SLX4IP: variants seen among roughly 807,000 people sequenced by gnomAD.
SLX4IP encodes the protein SLX4 interacting protein, also known as protein SLX4IP.
A neutral mutation model predicts 32.9 loss-of-function variants in SLX4IP; 34 were observed. That is an observed-to-expected ratio of 1.03 (90% confidence interval 0.79 to 1.38). The LOEUF is 1.38. SLX4IP is among the 40% of genes most tolerant of loss of function. The pLI, the probability that SLX4IP is intolerant of heterozygous loss-of-function variation, is 0.00. For synonymous variants in SLX4IP, 172 were observed against 171.7 expected, an observed-to-expected ratio of 1.00 and a Z score of -0.01; for missense variants, 444 against 479.0, an observed-to-expected ratio of 0.93 and a Z score of 0.68.
intron 3 of SLX4IP, among the ~76,000 whole-genome samples, chr20:10,560,086 C>T (rs932225313): frequency 3.3e-5 from 5 of 152,212 alleles, no homozygotes; most frequent in Admixed American, 2.6e-4. Flanking sequence ...ATTACTGTTT[C>T]TGACTCCTTT....
intron 6 of SLX4IP, among the ~76,000 whole-genome samples, chr20:10,609,878 C>T (rs1050549296): frequency 1.3e-5 from 2 of 151,830 alleles, no homozygotes; most frequent in South Asian, 2.1e-4. Flanking sequence ...ACAGATGTTT[C>T]CCTTCTACTT....
At chr20:10,455,237 A>G (rs1387747198) in intron 1 of SLX4IP, among the ~76,000 whole-genome samples, 3 of 152,104 alleles carry the variant, frequency 2.0e-5, no homozygotes, top group Non-Finnish European at 4.4e-5. Flanking sequence ...GATAAAATCT[A>G]ATTTACTAAT....
intron 2 of SLX4IP, among the ~76,000 whole-genome samples, chr20:10,525,566 GGA>G (rs2065934226): frequency 6.6e-6 from 1 of 152,148 alleles, no homozygotes; most frequent in African/African-American, 2.4e-5. Context: ...TGTTTTTCCT[GGA>G]ATTTAGAGTT....
Position 10,500,274 on chromosome 20 carries a change from C to G in SLX4IP, c.27+42043C>G, listed in dbSNP as rs917085966. Among the ~76,000 whole-genome samples, 5 of 151,308 alleles carry G rather than the reference C, an allele frequency of 3.3e-5. No homozygotes were observed. In the Admixed American group the frequency reaches 3.3e-4, roughly 10 times the overall value. ...GCCTCCTGAGTTGCGATTACAGGTG[C>G]CCGCCACCACACCCGGCTAATTTTT... On this transcript the variant is annotated intron_variant, in intron 2 of 7. Transcript: ENST00000334534.
intron 6 of SLX4IP, among the ~76,000 whole-genome samples, chr20:10,610,021 ATGT>A (rs755950957): frequency 3.3e-5 from 5 of 152,140 alleles, no homozygotes; most frequent in Non-Finnish European, 7.4e-5. Flanking sequence ...AAGCCTCACA[ATGT>A]CAAGTGTTGG....
At chr20:10,518,108 C>A (rs922580758) in intron 2 of SLX4IP, among the ~76,000 whole-genome samples, 3 of 152,108 alleles carry the variant, frequency 2.0e-5, no homozygotes, top group African/African-American at 7.2e-5. Flanking sequence ...AGCAAACCAC[C>A]GTGGCACACG....
At chr20:10,459,077 G>A (rs1424696966) in intron 2 of SLX4IP, among the ~76,000 whole-genome samples, 1 of 152,172 alleles carries the variant, frequency 6.6e-6, no homozygotes, top group Non-Finnish European at 1.5e-5. Context: ...AGATGGTATT[G>A]CATTGTTTTG....
At chr20:10,482,227 C>G (rs1348580971) in intron 2 of SLX4IP, among the ~76,000 whole-genome samples, 5 of 152,160 alleles carry the variant, frequency 3.3e-5, no homozygotes. Context: ...TTTCCTACGG[C>G]TCTAAGTGCC....
At chr20:10,453,330 G>T (rs1018429703) in intron 1 of SLX4IP, among the ~76,000 whole-genome samples, 2 of 148,292 alleles carry the variant, frequency 1.3e-5, no homozygotes, top group African/African-American at 5.2e-5. Context: ...GTGTGTGTGT[G>T]TGTAGATCTT....
chr20:10,496,944 T>G (rs1293797623), intron 2 of SLX4IP, among the ~76,000 whole-genome samples: 1 of 152,248 alleles, frequency 6.6e-6, no homozygotes, highest in African/African-American at 2.4e-5. Context: ...GCACATTTTG[T>G]TTAAACATTG....
intron 4 of SLX4IP, among the ~76,000 whole-genome samples, chr20:10,591,625 CT>C (rs1231969539): frequency 6.6e-6 from 1 of 152,132 alleles, no homozygotes. Flanking sequence ...TTAAAGAGAA[CT>C]TTGAGTTTTA....
At chr20:10,581,490 T>A (rs2066585817) in intron 4 of SLX4IP, among the ~76,000 whole-genome samples, 1 of 152,152 alleles carries the variant, frequency 6.6e-6, no homozygotes, top group African/African-American at 2.4e-5. Context: ...TTACCCTTGA[T>A]TGTGTGGATA....
intron 2 of SLX4IP, among the ~76,000 whole-genome samples, chr20:10,514,163 C>A (rs1325656574): frequency 6.6e-6 from 1 of 152,070 alleles, no homozygotes; most frequent in Non-Finnish European, 1.5e-5. Flanking sequence ...GGTTTGGTTA[C>A]AAAACTCTAC....
chr20:10,534,662 G>A (rs1568728160), intron 2 of SLX4IP, among the ~76,000 whole-genome samples: 1 of 152,102 alleles, frequency 6.6e-6, no homozygotes, highest in Non-Finnish European at 1.5e-5. Flanking sequence ...GCTGGCGTCT[G>A]GGGTATGCTC....
In SLX4IP at chr20:10,446,841, A is replaced by G. The variant is rs142787766; in HGVS notation, c.-29-11335A>G. 1.2e-4 allele frequency among the ~76,000 whole-genome samples: 18 copies of G among 152,234 alleles called. No homozygotes were observed. In the East Asian group the frequency reaches 1.5e-3, roughly 13 times the overall value. On this transcript the variant is annotated intron_variant, in intron 1 of 7. Coordinates refer to ENST00000334534, the MANE Select transcript of SLX4IP (RefSeq NM_001009608.3). ...CTTTTTACTATTGAATTTTGAGACT[A>G]TGTATTCTAGATAGAAATCCTTTGT...
chr20:10,477,672 A>G (rs2065487120), intron 2 of SLX4IP, among the ~76,000 whole-genome samples: 1 of 152,178 alleles, frequency 6.6e-6, no homozygotes. Context: ...AATAAGTGTC[A>G]ATCTTCATGG....
chr20:10,540,301 G>A (rs576908843), intron 2 of SLX4IP, among the ~76,000 whole-genome samples: 2 of 151,814 alleles, frequency 1.3e-5, no homozygotes, highest in East Asian at 1.9e-4. Flanking sequence ...TCTGATGCTC[G>A]CCCAAGTTTG....
At chr20:10,453,247 C>T (rs187192110) in intron 1 of SLX4IP, among the ~76,000 whole-genome samples, 2 of 152,170 alleles carry the variant, frequency 1.3e-5, no homozygotes, top group African/African-American at 4.8e-5. Flanking sequence ...TGCTGTTTAG[C>T]TTTCCATGTA....
At chr20:10,559,492 C>A (rs933020295) in intron 3 of SLX4IP, among the ~76,000 whole-genome samples, 3 of 152,180 alleles carry the variant, frequency 2.0e-5, no homozygotes, top group Non-Finnish European at 4.4e-5. Flanking sequence ...GTGACCTGGG[C>A]AACTCTGAGT....
Sources: allele counts gnomAD v4.1 joint callset (sites outside exome capture counted in the v4.1 genomes callset), GRCh38; gene constraint gnomAD v4.1.1; transcripts MANE v1.5; gene names NCBI Gene and HGNC (gene_info 2026-07-23, HGNC 2026-07-21).